MSR1: variants seen among roughly 807,000 people sequenced by gnomAD.
MSR1 encodes the protein macrophage scavenger receptor types I and II.
A neutral mutation model predicts 47.2 loss-of-function variants in MSR1; 53 were observed. The ratio of observed to expected loss-of-function variants is 1.12; its 90% confidence interval spans 0.90 to 1.41. MSR1 has a LOEUF of 1.41. Among genes scored for constraint, MSR1 ranks in the 40% most tolerant of loss-of-function variants. The probability of loss-of-function intolerance (pLI) is 0.00; values close to 1 mark genes in which losing one functional copy is unlikely to be tolerated. For synonymous variants in MSR1, 239 were observed against 185.6 expected (o/e 1.29, Z -2.34); for missense variants, 786 against 546.9 (o/e 1.44, Z -4.36).
At chr8:16,117,216 G>C (rs896281286) in intron 9 of MSR1, among the ~76,000 whole-genome samples, 12 of 152,116 alleles carry the variant, frequency 7.9e-5, no homozygotes, top group Non-Finnish European at 1.5e-4. Context: ...TGTCAGATCA[G>C]TGGCAGCATT....
intron 8 of MSR1, among the ~76,000 whole-genome samples, chr8:16,136,359 G>T (rs559407999): frequency 1.3e-5 from 2 of 152,112 alleles, no homozygotes; most frequent in Non-Finnish European, 2.9e-5. Context: ...CTTCCGGAAG[G>T]TTCAAATGAT....
chr8:16,170,115 G>GC (rs1801438726), intron 3 of MSR1, among the ~76,000 whole-genome samples: 1 of 151,988 alleles, frequency 6.6e-6, no homozygotes, highest in African/African-American at 2.4e-5. Flanking sequence ...TTTGGGAGGC[G>GC]CAGGGAGGTG....
At chr8:16,126,973 G>C (rs551685337) in intron 8 of MSR1, among the ~76,000 whole-genome samples, 120 of 152,144 alleles carry the variant, frequency 7.9e-4, no homozygotes, top group African/African-American at 2.2e-3. Context: ...GCTTTTCAGA[G>C]TGTCTGGTAC....
At chr8:16,163,704 A>G (rs1474945936) in intron 5 of MSR1, among the ~76,000 whole-genome samples, 1 of 151,800 alleles carries the variant, frequency 6.6e-6, no homozygotes, top group Non-Finnish European at 1.5e-5. Context: ...AGTAAGAAAT[A>G]AAAAAGACTG....
intron 5 of MSR1, among the ~76,000 whole-genome samples, chr8:16,155,408 T>A (rs373954350): frequency 1.3e-5 from 2 of 152,148 alleles, no homozygotes; most frequent in African/African-American, 4.8e-5. Context: ...TTTTCTATGT[T>A]CTGAGAACCT....
chr8:16,124,892 T>C (rs1800094047), intron 8 of MSR1, among the ~76,000 whole-genome samples: 1 of 152,050 alleles, frequency 6.6e-6, no homozygotes, highest in Admixed American at 6.6e-5. Flanking sequence ...AATTGGCAAA[T>C]GCTTAAAATA....
At chr8:16,189,826 C>A (rs866730092) in intron 1 of MSR1, among the ~76,000 whole-genome samples, 1 of 140,884 alleles carries the variant, frequency 7.1e-6, no homozygotes, top group Non-Finnish European at 1.5e-5. Flanking sequence ...AGCCATTTTT[C>A]TAAAATATAA....
intron 9 of MSR1, among the ~76,000 whole-genome samples, chr8:16,112,784 T>C (rs2117046614): frequency 6.6e-6 from 1 of 151,982 alleles, no homozygotes; most frequent in East Asian, 1.9e-4. Context: ...TATACAAAAA[T>C]TACGTGTGTT....
At chr8:16,184,937 T>A (rs114940328) in intron 1 of MSR1, among the ~76,000 whole-genome samples, 26 of 151,932 alleles carry the variant, frequency 1.7e-4, no homozygotes, top group Admixed American at 1.4e-3. Context: ...ATGAGTGATT[T>A]AGACTAACTG....
At chr8:16,190,727 C>CTTTTT (rs1279894353) in intron 1 of MSR1, among the ~76,000 whole-genome samples, 10 of 146,782 alleles carry the variant, frequency 6.8e-5, no homozygotes, top group African/African-American at 2.1e-4. Flanking sequence ...TTCTTTCTTT[C>CTTTTT]TTTTTGTTTT....
chr8:16,146,872 A>T (rs1800713535), intron 7 of MSR1, among the ~76,000 whole-genome samples: 1 of 152,154 alleles, frequency 6.6e-6, no homozygotes, highest in South Asian at 2.1e-4. Flanking sequence ...TCTACTCGAA[A>T]CTTCAGACTC....
chr8:16,128,458 G>A (rs1356150385), intron 8 of MSR1, among the ~76,000 whole-genome samples: 2 of 152,038 alleles, frequency 1.3e-5, no homozygotes, highest in Non-Finnish European at 2.9e-5. Flanking sequence ...TGAGAAGGGG[G>A]CCGTCTGCAA....
intron 9 of MSR1, among the ~76,000 whole-genome samples, chr8:16,110,920 A>T (rs1445470580): frequency 1.3e-5 from 2 of 152,134 alleles, no homozygotes; most frequent in Non-Finnish European, 2.9e-5. Context: ...TGGAGAGCCC[A>T]AGTATTTTTT....
At chr8:16,151,620 C>T (rs923289434) in intron 6 of MSR1, among the ~76,000 whole-genome samples, 2 of 152,112 alleles carry the variant, frequency 1.3e-5, no homozygotes, top group Non-Finnish European at 2.9e-5. Context: ...CTGCTTCTAA[C>T]TCATGGACAA....
intron 3 of MSR1, among the ~76,000 whole-genome samples, chr8:16,170,349 A>G (rs6984561): frequency 5.0e-5 from 1 of 20,096 alleles, no homozygotes; most frequent in African/African-American, 2.8e-4. Flanking sequence ...TTCCATCTCA[A>G]AAAAAAAAAA....
At chr8:16,146,298 T>C (rs1055666638) in intron 7 of MSR1, among the ~76,000 whole-genome samples, 1 of 152,112 alleles carries the variant, frequency 6.6e-6, no homozygotes, top group Non-Finnish European at 1.5e-5. Context: ...TTTGCTTTCC[T>C]CTGTCTTCAG....
chr8:16,166,528 T>C (rs909754740), intron 4 of MSR1, among the ~76,000 whole-genome samples: 1 of 152,024 alleles, frequency 6.6e-6, no homozygotes. Flanking sequence ...CAAATTTCAG[T>C]GGAAATTATT....
At chr8:16,155,617 T>C (rs1191811284) in intron 5 of MSR1, among the ~76,000 whole-genome samples, 2 of 152,016 alleles carry the variant, frequency 1.3e-5, no homozygotes, top group Non-Finnish European at 2.9e-5. Context: ...AAGCACTTTG[T>C]TGGAACTGAC....
At chr8:16,190,316 G>A (rs919557981) in intron 1 of MSR1, among the ~76,000 whole-genome samples, 11 of 152,198 alleles carry the variant, frequency 7.2e-5, no homozygotes, top group South Asian at 2.1e-4. Flanking sequence ...CTGTCTTAGT[G>A]ATCTTTAAAA....
Sources: allele counts gnomAD v4.1 joint callset (sites outside exome capture counted in the v4.1 genomes callset), GRCh38; gene constraint gnomAD v4.1.1; transcripts MANE v1.5; gene names NCBI Gene and HGNC (gene_info 2026-07-23, HGNC 2026-07-21).